Variants in H2AC18 observed in about 807,000 individuals in gnomAD.
H2AC18 encodes the protein histone H2A type 2-A.
In H2AC18 at chr1:149,842,710, T is replaced by C. The variant is rs1553756696; in HGVS notation, c.-12A>G. On this transcript the variant is annotated 5_prime_UTR_variant, in exon 1 of 1. Transcript: ENST00000369159. ...CCACGACCAGACATGACAGCGATAG[T>C]AGTCACCGAGAGAAACTCCTGCCTG... The C allele has an allele frequency of 5.3e-3, 10 of 1,904 alleles. No individual in the cohort carries two copies. Among genetic ancestry groups the C allele is most frequent in the South Asian group, 0.024 (10 of 416 alleles). The allele number at this position is 1,904 out of a possible 1,614,324, so 0.1% of individuals were successfully genotyped here.
In H2AC18 at chr1:149,842,592, C is replaced by T. The variant is rs1553756692; in HGVS notation, c.107G>A (p.Arg36His). 1 of 406 alleles carries T rather than the reference C, an allele frequency of 2.5e-3. No homozygotes were observed. The highest frequency in any genetic ancestry group is 3.4e-3 in the Non-Finnish European group (1 of 294). 0.0% of individuals were successfully genotyped at this position (406 alleles called of 1,614,324 possible). The change falls in exon 1 of 1, where the codon CGC becomes CAC. Residue 36 changes from arginine (R) to histidine (H), a missense_variant. Coordinates refer to ENST00000369159, the MANE Select transcript of H2AC18 (RefSeq NM_003516.3). The part of the protein sequence containing the change: ...FPVGRVHRLL[R>H]KGNYAERVGA... Reference sequence around the variant, plus strand: ...CACTCGCTCCGCGTAGTTGCCTTTGCGCAGCAAGCGATGCACTCGCCCTAC... The same window carrying T: ...CACTCGCTCCGCGTAGTTGCCTTTGTGCAGCAAGCGATGCACTCGCCCTAC...
At position 149,842,735 on chromosome 1, in the gene H2AC18, G is replaced by A; in HGVS notation, c.-37C>T. 1 of 972 alleles carries A rather than the reference G, an allele frequency of 1.0e-3. No homozygotes were observed. The highest frequency in any genetic ancestry group is 1.9e-3 in the Non-Finnish European group (1 of 536). 0.1% of individuals were successfully genotyped at this position (972 alleles called of 1,614,324 possible). ...TAGTCACCGAGAGAAACTCCTGCCT[G>A]GCGATCGGGAAAGTCGCCGAAAACG... On this transcript the variant is annotated 5_prime_UTR_variant, in exon 1 of 1. Coordinates refer to ENST00000369159, the MANE Select transcript of H2AC18 (RefSeq NM_003516.3).
rs1553756698 is a variant in H2AC18 at position 149,842,721 on chromosome 1, A to AT, written c.-24_-23insA. On this transcript the variant is annotated 5_prime_UTR_variant, in exon 1 of 1. Coordinates refer to ENST00000369159, the MANE Select transcript of H2AC18 (RefSeq NM_003516.3). ...CATGACAGCGATAGTAGTCACCGAG[A>AT]GAAACTCCTGCCTGGCGATCGGGAA... is the stretch of plus-strand genomic sequence containing the variant. 5.9e-4 allele frequency: 1 copy of AT among 1,694 alleles called. No homozygotes were observed. The highest frequency in any genetic ancestry group is 2.5e-3 in the South Asian group (1 of 394). The allele number at this position is 1,694 out of a possible 1,614,324, so 0.1% of individuals were successfully genotyped here.
Sources: gnomAD v4.1 joint callset for allele counts on GRCh38, gnomAD v4.1.1 for gene constraint, MANE v1.5 for transcripts, NCBI Gene and HGNC (gene_info 2026-07-23, HGNC 2026-07-21) for gene names.